Variants in ADARB1 observed in about 807,000 individuals in gnomAD.
The protein encoded by ADARB1 is adenosine deaminase RNA specific B1, also known as double-stranded RNA-specific editase 1.
Under a neutral mutation model 52.4 loss-of-function variants are expected in ADARB1, and 10 were observed. The ratio of observed to expected loss-of-function variants is 0.19; its 90% CI spans 0.12 to 0.32. ADARB1 has a LOEUF of 0.32. ADARB1 is among the 10% of genes least tolerant of loss of function. The pLI, the probability that ADARB1 is intolerant of heterozygous loss-of-function variation, is 1.00. For synonymous variants in ADARB1, 349 were observed against 371.1 expected, an observed-to-expected ratio of 0.94 and a Z score of 0.68; for missense variants, 643 against 922.3, an observed-to-expected ratio of 0.70 and a Z score of 3.92.
chr21:45,134,232 G>A (rs555396993), intron 2 of ADARB1, among the ~76,000 whole-genome samples: 20 of 8,966 alleles, frequency 2.2e-3, no homozygotes, highest in African/African-American at 6.2e-3. Context: ...GTGTGCGCCC[G>A]CCGGGTGTGT....
At position 45,153,450 on chromosome 21, in the gene ADARB1, CCT is replaced by C. The variant is rs543304781; in HGVS notation, c.-47-18157_-47-18156del. On this transcript the variant is annotated intron_variant, in intron 2 of 10. Coordinates refer to ENST00000348831, the MANE Select transcript of ADARB1 (RefSeq NM_001112.4). ...AACACAGGCGTGATCAGTGCCTCTG[CCT>C]CTGTGTCTTCTGGGCGCCCCCTTAG... Among the ~76,000 whole-genome samples, 16 of 152,214 alleles carry C rather than the reference CCT, an allele frequency of 1.1e-4. 1 individual carries two copies. In the East Asian group the frequency reaches 3.1e-3, roughly 29 times the overall value.
In ADARB1 at chr21:45,223,222, A is replaced by T. The variant is rs2092996402; in HGVS notation, c.*1025A>T. On this transcript the variant is annotated 3_prime_UTR_variant, in exon 11 of 11. Coordinates refer to ENST00000348831, the MANE Select transcript of ADARB1 (RefSeq NM_001112.4). ...GATACTCATTCTTGGAAAATGCCAT[A>T]GTTTTAAATTATTGTTTCCAGCTTT... 3.0e-6 allele frequency: 3 copies of T among 985,334 alleles called. No individual in the cohort carries two copies. The highest frequency in any genetic ancestry group is 9.4e-5 in the South Asian group (2 of 21,296). The allele number at this position is 985,334 out of a possible 1,614,324, so 61.0% of individuals were successfully genotyped here. A position where few individuals can be genotyped will look rare whatever the true frequency, so the allele number is the denominator to read the frequency against.
chr21:45,113,521 G>A (rs1331484710), intron 1 of ADARB1, among the ~76,000 whole-genome samples: 20 of 147,310 alleles, frequency 1.4e-4, no homozygotes, highest in East Asian at 7.9e-4. Flanking sequence ...GTGTGTGTGT[G>A]TGTATATATA....
chr21:45,117,939 T>C (rs1360175701), intron 1 of ADARB1, among the ~76,000 whole-genome samples: 1 of 152,254 alleles, frequency 6.6e-6, no homozygotes, highest in Admixed American at 6.5e-5. Flanking sequence ...TGTGAGTTCA[T>C]GTGGAAGTCA....
intron 1 of ADARB1, among the ~76,000 whole-genome samples, chr21:45,108,710 AC>A (rs1267255904): frequency 1.3e-5 from 2 of 151,276 alleles, no homozygotes; most frequent in African/African-American, 4.9e-5. Flanking sequence ...CCACACTTCG[AC>A]CTTTTTTCTT....
In ADARB1 at chr21:45,164,583, G is replaced by GT. The variant is rs537035575; in HGVS notation, c.-47-7026dup. On this transcript the variant is annotated intron_variant, in intron 2 of 10. Coordinates refer to ENST00000348831, the MANE Select transcript of ADARB1 (RefSeq NM_001112.4). ...TGCCGTGTGAGCTGGGACTTGAGCA[G>GT]TAAGGTGGGGTCTGATGAAGCCTTG... Among the ~76,000 whole-genome samples, 209 of 152,206 alleles carry GT rather than the reference G, an allele frequency of 1.4e-3. 1 individual carries two copies. Among genetic ancestry groups the GT allele is most frequent in the African/African-American group, 4.8e-3 (201 of 41,518 alleles).
In ADARB1 at chr21:45,220,764, GC is replaced by G; in HGVS notation, c.1748-70del. 1 of 1,535,990 alleles carries G rather than the reference GC, an allele frequency of 6.5e-7. No homozygotes were observed. Among genetic ancestry groups the G allele is most frequent in the Non-Finnish European group, 8.9e-7 (1 of 1,122,378 alleles). The stretch of plus-strand genomic sequence containing the variant: ...CTGTGGCCATGTCTGAGCACAGTGT[GC>G]CGCCCGTGGCTGCTCCCTCCCTGGG... On this transcript the variant is annotated intron_variant, in intron 9 of 10. Coordinates refer to ENST00000348831, the MANE Select transcript of ADARB1 (RefSeq NM_001112.4). This position sits in a 1 kb window ranked among gnomAD's most constrained non-coding sequence, Gnocchi z 6.3.
At chr21:45,106,769 T>C (rs2087278768) in intron 1 of ADARB1, among the ~76,000 whole-genome samples, 1 of 152,194 alleles carries the variant, frequency 6.6e-6, no homozygotes, top group Non-Finnish European at 1.5e-5. Context: ...GGGTGCAAAT[T>C]TGTCTCTTCT....
At chr21:45,203,065 G>A (rs1036654826) in intron 8 of ADARB1, among the ~76,000 whole-genome samples, 1 of 152,204 alleles carries the variant, frequency 6.6e-6, no homozygotes, top group African/African-American at 2.4e-5. Context: ...ACGCCACTTC[G>A]TAAAATGCGC....
At chr21:45,170,786 A>T (rs1031522036) in intron 2 of ADARB1, among the ~76,000 whole-genome samples, 2 of 152,184 alleles carry the variant, frequency 1.3e-5, no homozygotes, top group African/African-American at 4.8e-5. Flanking sequence ...TATTTATTAT[A>T]GAACATGTAT....
intron 9 of ADARB1, among the ~76,000 whole-genome samples, chr21:45,215,234 G>C (rs754605265): frequency 3.9e-5 from 6 of 152,012 alleles, no homozygotes; most frequent in Non-Finnish European, 8.8e-5. Context: ...TTTTTATAGA[G>C]ACAATGTCTT....
Position 45,180,365 on chromosome 21 carries a change from T to A in ADARB1, c.999T>A (p.Gly333=). Residue 333 remains glycine, a synonymous_variant, in exon 5 of 11, where the codon GGT becomes GGA. Coordinates refer to ENST00000348831, the MANE Select transcript of ADARB1 (RefSeq NM_001112.4). ...ACGCTGTCTCACGCCTGGTCCTGGG[T>A]AAGTTTGGTGACCTGACCGACAACT... The part of the protein sequence containing the change: ...LADAVSRLVL[G]KFGDLTDNFS... 6.2e-7 allele frequency: 1 copy of A among 1,614,164 alleles called. No individual in the cohort carries two copies. Among genetic ancestry groups the A allele is most frequent in the Non-Finnish European group, 8.5e-7 (1 of 1,180,026 alleles).
At chr21:45,180,605 C>G (rs1181544957) in intron 5 of ADARB1, among the ~76,000 whole-genome samples, 161 bp downstream of exon 5, 1 of 152,228 alleles carries the variant, frequency 6.6e-6, no homozygotes, top group Non-Finnish European at 1.5e-5. Flanking sequence ...ACTGCACTTA[C>G]AAGCTTTTTT....
intron 2 of ADARB1, among the ~76,000 whole-genome samples, chr21:45,155,031 A>G (rs1277596334): frequency 6.6e-6 from 1 of 152,230 alleles, no homozygotes; most frequent in African/African-American, 2.4e-5. Flanking sequence ...TGCTGTCTGA[A>G]TAGCATCCTG....
intron 2 of ADARB1, among the ~76,000 whole-genome samples, chr21:45,151,751 G>A (rs767553389): frequency 6.6e-6 from 1 of 152,206 alleles, no homozygotes; most frequent in Non-Finnish European, 1.5e-5. Flanking sequence ...ACCAAGTGCT[G>A]TATGATGTGT....
At position 45,207,452 on chromosome 21, in the gene ADARB1, G is replaced by A. The variant is rs927102684; in HGVS notation, c.1747+2716G>A. On this transcript the variant is annotated intron_variant, in intron 9 of 10. Transcript: ENST00000348831. ...TTCTGCTTCAGAATTGAAGCCGAAG[G>A]CAAGTAATGCTGTGGGTGTTACTGG... is the stretch of plus-strand genomic sequence containing the variant. Among the ~76,000 whole-genome samples, 4 of 152,186 alleles carry A rather than the reference G, an allele frequency of 2.6e-5. No individual in the cohort carries two copies. The East Asian group carries it at 5.8e-4, about 22-fold the overall frequency.
At chr21:45,082,743 A>T (rs951363869) in intron 1 of ADARB1, among the ~76,000 whole-genome samples, 1 of 152,206 alleles carries the variant, frequency 6.6e-6, no homozygotes, top group East Asian at 1.9e-4. Context: ...GTTGCTATTA[A>T]GGGTCACTGT....
At chr21:45,093,600 GTCC>G (rs2086643454) in intron 1 of ADARB1, among the ~76,000 whole-genome samples, 1 of 152,170 alleles carries the variant, frequency 6.6e-6, no homozygotes, top group Non-Finnish European at 1.5e-5. Flanking sequence ...GGGAAGTTCT[GTCC>G]TCTTCTCTCA....
chr21:45,177,039 C>CCCAG (rs2091726556), intron 4 of ADARB1: 1 of 184,626 alleles, frequency 5.4e-6, no homozygotes, highest in African/African-American at 2.4e-5. Context: ...AAACCTTGCC[C>CCCAG]CCAGTTCAGC....
Sources: allele counts gnomAD v4.1 joint callset (sites outside exome capture counted in the v4.1 genomes callset), GRCh38; gene constraint gnomAD v4.1.1; non-coding constraint Gnocchi (gnomAD v3.1); transcripts MANE v1.5; gene names NCBI Gene and HGNC (gene_info 2026-07-23, HGNC 2026-07-21).